SLC13A3: variants seen among roughly 807,000 people sequenced by gnomAD.
The protein encoded by SLC13A3 is solute carrier family 13 member 3.
In SLC13A3, 40 loss-of-function variants were observed where a neutral mutation model predicts 59.0. The observed-to-expected ratio is 0.68, with a 90% CI of 0.53 to 0.88. SLC13A3 has a LOEUF of 0.88. Among genes scored for constraint, SLC13A3 ranks in the 40% least tolerant of loss-of-function variants. The pLI, the probability that SLC13A3 is intolerant of heterozygous loss-of-function variation, is 0.00. For synonymous variants in SLC13A3, 317 were observed against 330.3 expected (o/e 0.96, Z 0.44); for missense variants, 699 against 783.2 (o/e 0.89, Z 1.28).
At chr20:46,683,099 C>T (rs1313626246) in intron 1 of SLC13A3, among the ~76,000 whole-genome samples, 1 of 152,154 alleles carries the variant, frequency 6.6e-6, no homozygotes, top group Non-Finnish European at 1.5e-5. Context: ...TTGCAAAGAT[C>T]ATTACTGCTT....
At chr20:46,662,783 A>G (rs2063039020) in intron 1 of SLC13A3, among the ~76,000 whole-genome samples, 1 of 152,252 alleles carries the variant, frequency 6.6e-6, no homozygotes, top group South Asian at 2.1e-4. Flanking sequence ...CCAAATGCTC[A>G]TGAAGAATTT....
intron 9 of SLC13A3, among the ~76,000 whole-genome samples, chr20:46,577,800 C>G (rs995090073): frequency 9.2e-5 from 14 of 152,218 alleles, no homozygotes; most frequent in African/African-American, 3.1e-4. Context: ...AGACTTGAAT[C>G]CTAGCTCTGC....
chr20:46,674,594 CGCGCGCGCGCGTGT>C (rs1260771256), upstream of SLC13A3, among the ~76,000 whole-genome samples: 357 of 84,348 alleles, frequency 4.2e-3, no homozygotes, highest in Non-Finnish European at 7.9e-3. Flanking sequence ...GGAGTGCGCG[CGCGCGCGCGCGTGT>C]GTGTGTGTGT....
chr20:46,573,156 A>C (rs2062045259), intron 10 of SLC13A3, among the ~76,000 whole-genome samples: 1 of 152,246 alleles, frequency 6.6e-6, no homozygotes. Context: ...TTAATAAAGT[A>C]AAACATATTT....
chr20:46,566,445 C>T (rs780551146), intron 10 of SLC13A3, 55 bp from the exon 11 acceptor site: 1 of 1,573,946 alleles, frequency 6.4e-7, no homozygotes, highest in Non-Finnish European at 8.7e-7. Context: ...CTGCCGCCCC[C>T]CAGAGAGGGT....
At chr20:46,612,382 C>T (rs923686943) in intron 2 of SLC13A3, among the ~76,000 whole-genome samples, 7 of 152,112 alleles carry the variant, frequency 4.6e-5, no homozygotes, top group Non-Finnish European at 1.0e-4. Flanking sequence ...AATCCACCTG[C>T]CTCAGCCTCC....
chr20:46,669,109 A>G (rs560334663), intron 1 of SLC13A3, among the ~76,000 whole-genome samples: 39 of 152,300 alleles, frequency 2.6e-4, no homozygotes, highest in African/African-American at 9.1e-4. Flanking sequence ...AATGATACAC[A>G]CTGCTACTCC....
chr20:46,655,797 TAATA>T (rs1600621763), upstream of SLC13A3, among the ~76,000 whole-genome samples: 4 of 143,810 alleles, frequency 2.8e-5, no homozygotes, highest in East Asian at 5.9e-4. Context: ...TCAGTATATA[TAATA>T]TATAATACTG....
upstream of SLC13A3, among the ~76,000 whole-genome samples, chr20:46,653,336 G>T (rs140328116): frequency 6.6e-6 from 1 of 152,126 alleles, no homozygotes; most frequent in African/African-American, 2.4e-5. Flanking sequence ...AGAGTTTCTC[G>T]TATGTTTAGT....
At chr20:46,568,750 A>G (rs1238811332) in intron 10 of SLC13A3, among the ~76,000 whole-genome samples, 1 of 152,132 alleles carries the variant, frequency 6.6e-6, no homozygotes, top group African/African-American at 2.4e-5. Flanking sequence ...AATTAAAGGG[A>G]GAGGGGCTAG....
chr20:46,581,515 G>A (rs2062137658), intron 9 of SLC13A3, among the ~76,000 whole-genome samples: 1 of 152,196 alleles, frequency 6.6e-6, no homozygotes, highest in South Asian at 2.1e-4. Flanking sequence ...GGGCATGACT[G>A]GGCTGAAGTT....
At chr20:46,563,263 G>T in intron 12 of SLC13A3, 151 bp downstream of exon 12, 1 of 917,416 alleles carries the variant, frequency 1.1e-6, no homozygotes, top group Non-Finnish European at 1.6e-6. Context: ...CAGAGTCTCT[G>T]CTAAATGTAT....
chr20:46,575,722 C>T lies in SLC13A3; in HGVS notation c.1220-37G>A, dbSNP rs369572762. On this transcript the variant is annotated intron_variant, in intron 9 of 12. Transcript: ENST00000279027. ...GAGGGATTCAGCACACACTCAGGGCCGCTCAGCCTGAGGCAGAGGCCACCA... is the reference window on the plus strand; with the variant it reads ...GAGGGATTCAGCACACACTCAGGGCTGCTCAGCCTGAGGCAGAGGCCACCA... The T allele has an allele frequency of 1.0e-5, 14 of 1,371,760 alleles. 1 individual carries two copies. The highest frequency in any genetic ancestry group is 9.5e-5 in the South Asian group (7 of 73,778). 85.0% of individuals were successfully genotyped at this position (1,371,760 alleles called of 1,614,324 possible).
chr20:46,574,929 G>A (rs1707374964), intron 10 of SLC13A3, among the ~76,000 whole-genome samples: 1 of 150,198 alleles, frequency 6.7e-6, no homozygotes, highest in East Asian at 2.0e-4. Context: ...CTCCAGCCTA[G>A]GACCACCACA....
At chr20:46,676,115 G>C (rs1478042154) in intron 1 of SLC13A3, 4 of 152,040 alleles carry the variant, frequency 2.6e-5, no homozygotes, top group African/African-American at 9.7e-5. Flanking sequence ...CGCCATGTTG[G>C]CCAGACTGGT....
Position 46,610,588 on chromosome 20 carries a change from C to T in SLC13A3, c.399G>A (p.Val133=). Residue 133 remains valine (V), a synonymous_variant, in exon 3 of 13, where the codon GTG becomes GTA. Transcript: ENST00000279027. The stretch of plus-strand genomic sequence containing the variant: ...GCCACATGGACAAGAACGAGGTGGT[C>T]ACCATCATCCCCAGGATGAGCCTGC... The part of the protein sequence containing the change: ...QPARLILGMM[V]TTSFLSMWLS... 6.2e-7 allele frequency: 1 copy of T among 1,613,562 alleles called. No homozygotes were observed. The highest frequency in any genetic ancestry group is 2.2e-5 in the East Asian group (1 of 44,862).
At chr20:46,581,634 C>G (rs1472127171) in intron 9 of SLC13A3, among the ~76,000 whole-genome samples, 2 of 151,944 alleles carry the variant, frequency 1.3e-5, no homozygotes, top group African/African-American at 4.8e-5. Flanking sequence ...GTGGCTGCCA[C>G]CAGGGGGAAG....
chr20:46,643,112 C>T (rs745443943), intron 1 of SLC13A3, among the ~76,000 whole-genome samples: 13 of 151,432 alleles, frequency 8.6e-5, no homozygotes, highest in East Asian at 5.8e-4. Context: ...GTGCCAGGCA[C>T]GGGGCTGGCA....
At chr20:46,650,988 G>A (rs1277848957) in intron 1 of SLC13A3, among the ~76,000 whole-genome samples, 1 of 152,160 alleles carries the variant, frequency 6.6e-6, no homozygotes, top group East Asian at 1.9e-4. Flanking sequence ...AGGAGTTGGA[G>A]GCTGCAGTGA....
Sources: gnomAD v4.1 joint callset for allele counts (sites outside exome capture counted in the v4.1 genomes callset) on GRCh38, gnomAD v4.1.1 for gene constraint, MANE v1.5 for transcripts, NCBI Gene and HGNC (gene_info 2026-07-23, HGNC 2026-07-21) for gene names.